HOXB3: variants seen among roughly 807,000 people sequenced by gnomAD.
HOXB3 encodes the protein homeobox protein Hox-B3.
A neutral mutation model predicts 29.2 loss-of-function variants in HOXB3; 17 were observed. The ratio of observed to expected loss-of-function variants is 0.58; its 90% CI spans 0.40 to 0.87. The LOEUF is 0.87. Among genes scored for constraint, HOXB3 ranks in the 40% least tolerant of loss-of-function variants. The probability of loss-of-function intolerance (pLI) is 0.00; values close to 1 mark genes in which losing one functional copy is unlikely to be tolerated. For missense variants in HOXB3, 637 were observed against 616.3 expected (o/e 1.03, Z -0.35); for synonymous variants, 317 against 285.9 (o/e 1.11, Z -1.10).
chr17:48,566,837 C>T (rs1351522950), intron 2 of HOXB3, among the ~76,000 whole-genome samples: 2 of 152,194 alleles, frequency 1.3e-5, no homozygotes, highest in Non-Finnish European at 2.9e-5. Flanking sequence ...AGTCATACCC[C>T]CCAACACTTT....
chr17:48,555,681 C>A (rs919476044), intron 2 of HOXB3, 63 bp from the exon 3 acceptor site: 1 of 694,186 alleles, frequency 1.4e-6, no homozygotes, highest in South Asian at 1.5e-5. Context: ...CCCCCCGCCC[C>A]CGCCCCGCAA....
At chr17:48,568,823 C>T (rs1176956902) in intron 2 of HOXB3, among the ~76,000 whole-genome samples, 2 of 152,142 alleles carry the variant, frequency 1.3e-5, no homozygotes, top group Non-Finnish European at 2.9e-5. Context: ...CCTCAATGGG[C>T]ATAAACACAC....
chr17:48,564,237 C>A (rs966686460), intron 2 of HOXB3, among the ~76,000 whole-genome samples: 83 of 151,792 alleles, frequency 5.5e-4, no homozygotes, highest in Non-Finnish European at 9.7e-4. Flanking sequence ...CGCTAGGGCG[C>A]GGGCAACGGC....
chr17:48,558,885 G>A lies in HOXB3; in HGVS notation c.-246-3267C>T, dbSNP rs2069093695. Reference sequence around the variant, plus strand: ...GAACAATTTCTTCTTGGATTTGGGAGGGAAACCTGGAAAACTGTGTGTGTG... The same window carrying A: ...GAACAATTTCTTCTTGGATTTGGGAAGGAAACCTGGAAAACTGTGTGTGTG... On this transcript the variant is annotated intron_variant, in intron 2 of 4. Coordinates refer to ENST00000498678, the MANE Select transcript of HOXB3 (RefSeq NM_001384749.1). 2.0e-5 allele frequency among the ~76,000 whole-genome samples: 3 copies of A among 151,950 alleles called. No individual in the cohort carries two copies. In the South Asian group the frequency reaches 6.2e-4, roughly 32 times the overall value.
intron 1 of HOXB3, chr17:48,582,371 AT>A (rs935580468): frequency 2.0e-5 from 3 of 151,968 alleles, no homozygotes; most frequent in Non-Finnish European, 4.4e-5. Context: ...CCTGTCCACT[AT>A]TGTGTGTCCG....
At position 48,549,380 on chromosome 17, in the gene HOXB3, C is replaced by A. The variant is rs889603000; in HGVS notation, c.*954G>T. 1 of 152,596 alleles carries A rather than the reference C, an allele frequency of 6.6e-6. No homozygotes were observed. Among genetic ancestry groups the A allele is most frequent in the African/African-American group, 2.4e-5 (1 of 41,424 alleles). The allele number at this position is 152,596 out of a possible 1,614,324, so 9.5% of individuals were successfully genotyped here. A position where few individuals can be genotyped will look rare whatever the true frequency, so the allele number is the denominator to read the frequency against. ...TTTTACATCCATTAAAATGTAAATT[C>A]TAAGTGCAACAAAAGTGTCCTGTCA... On this transcript the variant is annotated 3_prime_UTR_variant, in exon 5 of 5. Coordinates refer to ENST00000498678, the MANE Select transcript of HOXB3 (RefSeq NM_001384749.1).
At chr17:48,551,935 C>T in intron 4 of HOXB3, 92 bp downstream of exon 4, 2 of 1,241,736 alleles carry the variant, frequency 1.6e-6, no homozygotes, top group Non-Finnish European at 2.3e-6. Flanking sequence ...TCCCAGGCAG[C>T]CTCGCGGGCG....
chr17:48,580,689 CTCTCACACA>C (rs1351350731), intron 1 of HOXB3: 2 of 152,234 alleles, frequency 1.3e-5, no homozygotes, highest in South Asian at 4.1e-4. Flanking sequence ...CCCTCCCAGC[CTCTCACACA>C]TCCTGGGAGC....
At chr17:48,577,072 G>A (rs748798994) in intron 1 of HOXB3, 4 of 1,489,346 alleles carry the variant, frequency 2.7e-6, no homozygotes, top group East Asian at 2.3e-5. Flanking sequence ...GCCCCCGAAA[G>A]AGAGAGTCCT....
rs2068772293 is a variant in HOXB3, at chr17:48,552,041, T to C, written c.434A>G (p.Asn145Ser). 6.3e-7 allele frequency: 1 copy of C among 1,576,950 alleles called. No homozygotes were observed. Residue 145 changes from asparagine (N) to serine (S), a missense_variant, in exon 4 of 5, where the codon AAC (asparagine) becomes AGC (serine). Coordinates refer to ENST00000498678, the MANE Select transcript of HOXB3 (RefSeq NM_001384749.1). The stretch of plus-strand genomic sequence containing the variant: ...AGAACTGGTACCTGTGCCGGGGGAG[T>C]TGTTTTTCAGCTTGGACGTTTGCCT... ...ESRQTSKLKN[N>S]SPGTAEGCGG...
At chr17:48,578,083 T>C (rs1010994959) in intron 1 of HOXB3, 2 of 103,616 alleles carry the variant, frequency 1.9e-5, no homozygotes, top group Non-Finnish European at 2.9e-5. Context: ...GCGGCGGGGG[T>C]GGTGGCGGAG....
rs200796922 is a variant in HOXB3 at position 48,552,378 on chromosome 17, G to A, written c.97C>T (p.Pro33Ser). ...GTGGCGGCCTGAAATGGGGGTTGGG[G>A]GGGGACATCGAAGCCGAAGCCATTG... Reference protein sequence around the residue: ...GSNGFGFDVPPQPPFQAATHL... With the variant: ...GSNGFGFDVPSQPPFQAATHL... The change falls in exon 4 of 5, where the codon CCC becomes TCC. Residue 33 changes from proline (P) to serine (S), a missense_variant. Transcript: ENST00000498678. The A allele has an allele frequency of 1.2e-5, 20 of 1,613,428 alleles. No homozygotes were observed. Among genetic ancestry groups the A allele is most frequent in the Non-Finnish European group, 1.7e-5 (20 of 1,179,614 alleles).
At chr17:48,551,522 G>A (rs536707508) in intron 4 of HOXB3, among the ~76,000 whole-genome samples, 1 of 152,288 alleles carries the variant, frequency 6.6e-6, no homozygotes, top group South Asian at 2.1e-4. Context: ...CCCAATTCCA[G>A]GTCAGGGAAG....
intron 2 of HOXB3, among the ~76,000 whole-genome samples, chr17:48,566,131 G>A (rs1450134205): frequency 6.6e-6 from 1 of 152,180 alleles, no homozygotes; most frequent in Non-Finnish European, 1.5e-5. Context: ...CCCAACCCCT[G>A]AACAACACAA....
intron 1 of HOXB3, among the ~76,000 whole-genome samples, chr17:48,583,710 T>C (rs1332950465): frequency 6.6e-6 from 1 of 152,180 alleles, no homozygotes; most frequent in East Asian, 1.9e-4. Context: ...TTGCTAACGT[T>C]CTGTGCTGGA....
At chr17:48,569,571 T>C (rs370013809) in intron 2 of HOXB3, among the ~76,000 whole-genome samples, 2 of 152,342 alleles carry the variant, frequency 1.3e-5, no homozygotes, top group East Asian at 3.9e-4. Flanking sequence ...TTCTTCTCTC[T>C]GCATCCTTTA....
In HOXB3 at chr17:48,550,425, T is replaced by G. The variant is rs781094299; in HGVS notation, c.1205A>C (p.Glu402Ala). 8 of 1,613,732 alleles carry G rather than the reference T, an allele frequency of 5.0e-6. No individual in the cohort carries two copies. In the Admixed American group the frequency reaches 8.3e-5, roughly 17 times the overall value. The change falls in exon 5 of 5, where the codon GAA becomes GCA. Residue 402 changes from glutamate (E) to alanine (A), a missense_variant. Transcript: ENST00000498678. ...GAGGTCTGTGTAGGTGGGGTGGGGT[T>G]CGCAGGGTCCGTGGTGCTGGCTGGG... is the stretch of plus-strand genomic sequence containing the variant. ...MAPSQHHGPC[E>A]PHPTYTDLSS... is the part of the protein sequence containing the mutation.
At position 48,554,560 on chromosome 17, in the gene HOXB3, GGC is replaced by G. The variant is rs1254881201; in HGVS notation, c.-159+969_-159+970del. Reference sequence around the variant, plus strand: ...AGGTTTGTGCACCCGGGTAGTCCCTGGCTGCTGCTGCCAGGCTGCCTCAGCCG... The same window carrying G: ...AGGTTTGTGCACCCGGGTAGTCCCTGTGCTGCTGCCAGGCTGCCTCAGCCG... On this transcript the variant is annotated intron_variant, in intron 3 of 4. Coordinates refer to ENST00000498678, the MANE Select transcript of HOXB3 (RefSeq NM_001384749.1). This position sits in a 1 kb window ranked among gnomAD's most constrained non-coding sequence, Gnocchi z 4.1. The G allele has an allele frequency of 2.9e-6, 2 of 695,846 alleles. No individual in the cohort carries two copies. Among genetic ancestry groups the G allele is most frequent in the Non-Finnish European group, 2.6e-6 (1 of 381,762 alleles). 43.1% of individuals were successfully genotyped at this position (695,846 alleles called of 1,614,324 possible). A position where few individuals can be genotyped will look rare whatever the true frequency, so the allele number is the denominator to read the frequency against.
At chr17:48,572,600 G>A (rs2069619589) in intron 2 of HOXB3, among the ~76,000 whole-genome samples, 1 of 152,178 alleles carries the variant, frequency 6.6e-6, no homozygotes, top group South Asian at 2.1e-4. Flanking sequence ...TTGCGGGGAG[G>A]ATGGCTGGAG....
Sources: gnomAD v4.1 joint callset for allele counts (sites outside exome capture counted in the v4.1 genomes callset) on GRCh38, gnomAD v4.1.1 for gene constraint, Gnocchi (gnomAD v3.1) non-coding constraint, MANE v1.5 for transcripts, NCBI Gene and HGNC (gene_info 2026-07-23, HGNC 2026-07-21) for gene names.